Variants in ZWILCH observed in about 807,000 individuals in gnomAD.
ZWILCH encodes zwilch kinetochore protein.
A neutral mutation model predicts 79.9 loss-of-function variants in ZWILCH; 74 were observed. The observed-to-expected ratio is 0.93, with a 90% CI of 0.77 to 1.12. ZWILCH has a LOEUF of 1.12. Among genes scored for constraint, ZWILCH ranks in the 50% most tolerant of loss-of-function variants. ZWILCH has a pLI of 0.00. For synonymous variants in ZWILCH, 241 were observed against 228.2 expected (o/e 1.06, Z -0.51); for missense variants, 694 against 687.5 (o/e 1.01, Z -0.11).
At chr15:66,527,409 G>C in intron 9 of ZWILCH, 26 bp downstream of exon 9, 1 of 1,521,486 alleles carries the variant, frequency 6.6e-7, no homozygotes, top group Admixed American at 1.7e-5. Context: ...TATTAATTGA[G>C]AATTTATACT....
At chr15:66,505,541 C>T (rs1290498676) in intron 1 of ZWILCH, 150 bp downstream of exon 1, 6 of 864,038 alleles carry the variant, frequency 6.9e-6, no homozygotes, top group Non-Finnish European at 1.1e-5. Context: ...GGCCGGTTCT[C>T]GGCTCCGGTG....
chr15:66,537,569 T>C (rs898918319), intron 16 of ZWILCH, among the ~76,000 whole-genome samples: 5 of 152,114 alleles, frequency 3.3e-5, no homozygotes, highest in African/African-American at 1.2e-4. Flanking sequence ...CATGCACCTA[T>C]AATCCCAGCT....
chr15:66,517,836 G>A (rs1177137099), intron 4 of ZWILCH, among the ~76,000 whole-genome samples: 2 of 139,444 alleles, frequency 1.4e-5, no homozygotes, highest in Admixed American at 1.5e-4. Flanking sequence ...GGGTTCAAGC[G>A]ATTCTCCTGC....
intron 1 of ZWILCH, among the ~76,000 whole-genome samples, chr15:66,507,193 A>G (rs1471285683): frequency 6.6e-6 from 1 of 152,170 alleles, no homozygotes; most frequent in Non-Finnish European, 1.5e-5. Context: ...CATAGAAAGT[A>G]TAACACTGTT....
Position 66,535,978 on chromosome 15 carries a change from C to A in ZWILCH, c.1387C>A (p.Arg463Ser). ...PSVDIQEQVY[R>S]VQKLHHILEI... is the part of the protein sequence containing the mutation. ...AGTAGATATACAAGAACAGGTTTAT[C>A]GTGTCCAAAAACTCCACCATATTCT... is the stretch of plus-strand genomic sequence containing the variant. Residue 463 changes from arginine (R) to serine (S), a missense_variant, in exon 15 of 19, where the codon CGT (arginine) becomes AGT (serine). Coordinates refer to ENST00000307897, the MANE Select transcript of ZWILCH (RefSeq NM_017975.5). 6.2e-7 allele frequency: 1 copy of A among 1,612,150 alleles called. No individual in the cohort carries two copies. The highest frequency in any genetic ancestry group is 2.2e-5 in the East Asian group (1 of 44,782).
In ZWILCH at chr15:66,523,749, G is replaced by C; in HGVS notation, c.819+1G>C. 1 of 1,601,224 alleles carries C rather than the reference G, an allele frequency of 6.2e-7. No individual in the cohort carries two copies. The highest frequency in any genetic ancestry group is 8.5e-7 in the Non-Finnish European group (1 of 1,169,842). On this transcript the variant is annotated splice_donor_variant, in intron 8 of 18. Coordinates refer to ENST00000307897, the MANE Select transcript of ZWILCH (RefSeq NM_017975.5). LOFTEE classifies it high-confidence loss of function. Reference sequence around the variant, plus strand: ...CTACAGAGAACTGAAATTTCTTCTTGTGAGTATCCTTCTAGAATTCCTTTC... The same window carrying C: ...CTACAGAGAACTGAAATTTCTTCTTCTGAGTATCCTTCTAGAATTCCTTTC...
At chr15:66,538,627 C>T (rs1895092701) in intron 16 of ZWILCH, among the ~76,000 whole-genome samples, 1 of 152,112 alleles carries the variant, frequency 6.6e-6, no homozygotes, top group Non-Finnish European at 1.5e-5. Flanking sequence ...GTGATCCGAC[C>T]ACCTGAGCCT....
At chr15:66,519,513 G>A (rs544236243) in intron 5 of ZWILCH, among the ~76,000 whole-genome samples, 4 of 152,300 alleles carry the variant, frequency 2.6e-5, no homozygotes, top group African/African-American at 9.6e-5. Context: ...GGAGTGCAGT[G>A]GCGCGATCTC....
intron 3 of ZWILCH, among the ~76,000 whole-genome samples, chr15:66,514,812 A>G (rs1894195888): frequency 6.6e-6 from 1 of 152,230 alleles, no homozygotes; most frequent in Non-Finnish European, 1.5e-5. Context: ...TTATTGCCCT[A>G]GAGAAAAAGA....
chr15:66,527,281 C>T lies in ZWILCH; in HGVS notation c.820-9C>T, dbSNP rs1247506694. On this transcript the variant is annotated splice_polypyrimidine_tract_variant and intron_variant, in intron 8 of 18. Coordinates refer to ENST00000307897, the MANE Select transcript of ZWILCH (RefSeq NM_017975.5). ...TAACAAGTTTTTGGGGTTTTTAAAT[C>T]TCCTGTAGGTTTTGGCTGATGGTTT... 1.9e-6 allele frequency: 3 copies of T among 1,611,348 alleles called. No homozygotes were observed. The highest frequency in any genetic ancestry group is 3.3e-5 in the Admixed American group (2 of 59,702).
chr15:66,526,554 G>T (rs952539504), intron 8 of ZWILCH, among the ~76,000 whole-genome samples: 14 of 151,848 alleles, frequency 9.2e-5, no homozygotes, highest in Non-Finnish European at 1.8e-4. Flanking sequence ...CCACCTCCTG[G>T]GTTCACGCCA....
chr15:66,521,231 C>A, intron 7 of ZWILCH, 26 bp downstream of exon 7: 2 of 1,603,214 alleles, frequency 1.2e-6, no homozygotes, highest in Non-Finnish European at 8.5e-7. Flanking sequence ...ATTTCCTTTT[C>A]GGGTTCATGA....
intron 14 of ZWILCH, among the ~76,000 whole-genome samples, chr15:66,533,924 T>C (rs1894931644): frequency 6.6e-6 from 1 of 152,164 alleles, no homozygotes; most frequent in Admixed American, 6.5e-5. Context: ...CTGGGCAACA[T>C]AGGGAGACTC....
intron 8 of ZWILCH, among the ~76,000 whole-genome samples, chr15:66,526,228 C>A (rs925568917): frequency 3.9e-5 from 6 of 152,184 alleles, no homozygotes; most frequent in African/African-American, 1.4e-4. Context: ...TCAACATTGG[C>A]TGTTTTCTGC....
In ZWILCH at chr15:66,528,944, C is replaced by T. The variant is rs369894281; in HGVS notation, c.1062C>T (p.Cys354=). The T allele has an allele frequency of 7.4e-6, 12 of 1,613,272 alleles. No individual in the cohort carries two copies. The African/African-American group carries it at 1.2e-4, about 16-fold the overall frequency. The change falls in exon 11 of 19, where the codon TGC becomes TGT. Residue 354 remains cysteine, a synonymous_variant. Transcript: ENST00000307897. Reference sequence around the variant, plus strand: ...TTGATTTTGCTGAGCAACTGTGGTGCAAAATGAGCAGTAGTAGGTGTCCAT... The same window carrying T: ...TTGATTTTGCTGAGCAACTGTGGTGTAAAATGAGCAGTAGTAGGTGTCCAT... ...SDLDFAEQLW[C]KMSSSVISYQ...
chr15:66,514,649 C>G (rs1198627089), intron 3 of ZWILCH: 1 of 152,682 alleles, frequency 6.5e-6, no homozygotes, highest in African/African-American at 2.4e-5. Context: ...AATTTTAACA[C>G]GTATGTAGAT....
intron 13 of ZWILCH, 89 bp downstream of exon 13, chr15:66,532,492 C>G (rs1894887416): frequency 1.6e-6 from 2 of 1,235,180 alleles, no homozygotes; most frequent in Non-Finnish European, 2.2e-6. Flanking sequence ...CTGCTTGTCC[C>G]TCATCGTCTG....
chr15:66,538,692 G>A (rs557053754), intron 16 of ZWILCH, among the ~76,000 whole-genome samples: 9 of 152,218 alleles, frequency 5.9e-5, no homozygotes, highest in Admixed American at 5.2e-4. Context: ...ACTTCAGTAA[G>A]CACGTATAAG....
In ZWILCH at chr15:66,525,348, C is replaced by T. The variant is rs567374685; in HGVS notation, c.819+1600C>T. Among the ~76,000 whole-genome samples, 22 of 152,282 alleles carry T rather than the reference C, an allele frequency of 1.4e-4. No homozygotes were observed. The South Asian group carries it at 2.3e-3, about 16-fold the overall frequency. ...CATTTAAATGTGTGTTTGTCTAATT[C>T]AAGTCTCCCTTAAAAAGTCACAGAA... is the stretch of plus-strand genomic sequence containing the variant. On this transcript the variant is annotated intron_variant, in intron 8 of 18. Coordinates refer to ENST00000307897, the MANE Select transcript of ZWILCH (RefSeq NM_017975.5).
Sources: gnomAD v4.1 joint callset for allele counts (sites outside exome capture counted in the v4.1 genomes callset) on GRCh38, gnomAD v4.1.1 for gene constraint, MANE v1.5 for transcripts, NCBI Gene and HGNC (gene_info 2026-07-23, HGNC 2026-07-21) for gene names.